Variants in OR1D2 observed in about 807,000 individuals in gnomAD.
OR1D2 encodes olfactory receptor 1D2.
For synonymous variants in OR1D2, 157 were observed against 153.9 expected, an observed-to-expected ratio of 1.02 and a Z score of -0.15; for missense variants, 357 against 376.1, an observed-to-expected ratio of 0.95 and a Z score of 0.42.
At chr17:3,093,760 T>C (rs932916493) in intron 1 of OR1D2, among the ~76,000 whole-genome samples, 5 of 152,204 alleles carry the variant, frequency 3.3e-5, no homozygotes, top group Non-Finnish European at 7.3e-5. Context: ...GGCACTCAGA[T>C]GTTAACAAGA....
intron 1 of OR1D2, among the ~76,000 whole-genome samples, chr17:3,103,598 G>A (rs549910035): frequency 1.3e-5 from 2 of 152,300 alleles, no homozygotes; most frequent in East Asian, 3.9e-4. Context: ...TAGTTCTGAT[G>A]CTATACTTTG....
rs2047793499 is a variant in OR1D2 at position 3,089,492 on chromosome 17, C to T, written c.*2566G>A. 6.6e-6 allele frequency: 1 copy of T among 152,270 alleles called. No homozygotes were observed. Among genetic ancestry groups the T allele is most frequent in the African/African-American group, 2.4e-5 (1 of 41,418 alleles). The allele number at this position is 152,270 out of a possible 1,614,324, so 9.4% of individuals were successfully genotyped here. ...GTTGGCCTCCAGCCAAGAGGTGGTC[C>T]TTTCAAGAGTGCACCAGCTGTGGTA... On this transcript the variant is annotated 3_prime_UTR_variant, in exon 2 of 2. Coordinates refer to ENST00000641833, the MANE Select transcript of OR1D2 (RefSeq NM_002548.3).
At chr17:3,100,067 T>G (rs1037138309) in intron 1 of OR1D2, among the ~76,000 whole-genome samples, 6 of 152,138 alleles carry the variant, frequency 3.9e-5, no homozygotes, top group African/African-American at 1.4e-4. Flanking sequence ...ATAGACTTTA[T>G]GTGTCTATGC....
Position 3,092,024 on chromosome 17 carries a change from G to A in OR1D2, c.*34C>T, listed in dbSNP as rs191533597. 244 of 1,484,152 alleles carry A rather than the reference G, an allele frequency of 1.6e-4. 1 individual carries two copies. The East Asian group carries it at 4.6e-3, about 28-fold the overall frequency. 91.9% of individuals were successfully genotyped at this position (1,484,152 alleles called of 1,614,324 possible). The stretch of plus-strand genomic sequence containing the variant: ...TTACATAGGGTGAAGGATATTCCTA[G>A]TCTCCACTTTAATGCTGTCTTTCCA... On this transcript the variant is annotated 3_prime_UTR_variant, in exon 2 of 2. Coordinates refer to ENST00000641833, the MANE Select transcript of OR1D2 (RefSeq NM_002548.3).
chr17:3,090,001 C>CT lies in OR1D2; in HGVS notation c.*2056dup, dbSNP rs11428015. The CT allele has an allele frequency of 1, 152,393 of 152,394 alleles. 76,196 individuals are homozygous for CT. Among genetic ancestry groups the CT allele is most frequent in the Middle Eastern group, 1 (294 of 294 alleles). The allele number at this position is 152,394 out of a possible 1,614,324, so 9.4% of individuals were successfully genotyped here. A position where few individuals can be genotyped will look rare whatever the true frequency, so the allele number is the denominator to read the frequency against. ...GAAAGCAAGCAGCACTTTCAGGTTT[C>CT]TGTTTTCCTGCCTGTGGTGGCTGCT... On this transcript the variant is annotated 3_prime_UTR_variant, in exon 2 of 2. Transcript: ENST00000641833.
rs578013219 is a variant in OR1D2, at chr17:3,089,872, A to G, written c.*2186T>C. 23 of 152,372 alleles carry G rather than the reference A, an allele frequency of 1.5e-4. No individual in the cohort carries two copies. Among genetic ancestry groups the G allele is most frequent in the Admixed American group, 9.8e-4 (15 of 15,274 alleles). The allele number at this position is 152,372 out of a possible 1,614,324, so 9.4% of individuals were successfully genotyped here. A position where few individuals can be genotyped will look rare whatever the true frequency, so the allele number is the denominator to read the frequency against. On this transcript the variant is annotated 3_prime_UTR_variant, in exon 2 of 2. Coordinates refer to ENST00000641833, the MANE Select transcript of OR1D2 (RefSeq NM_002548.3). The stretch of plus-strand genomic sequence containing the variant: ...CAGCTCCCATGCTGTCCAAGTGGCC[A>G]TGTCACTCCCAATGTGCCCTACCCC...
chr17:3,095,631 A>G (rs975380237), intron 1 of OR1D2, among the ~76,000 whole-genome samples: 2 of 151,320 alleles, frequency 1.3e-5, no homozygotes, highest in African/African-American at 4.9e-5. Flanking sequence ...TAAATATGTA[A>G]ATATATATTG....
In OR1D2 at chr17:3,089,929, G is replaced by T. The variant is rs1426857402; in HGVS notation, c.*2129C>A. 6.6e-6 allele frequency: 1 copy of T among 152,310 alleles called. No homozygotes were observed. The highest frequency in any genetic ancestry group is 1.5e-5 in the Non-Finnish European group (1 of 68,122). The allele number at this position is 152,310 out of a possible 1,614,324, so 9.4% of individuals were successfully genotyped here. A position where few individuals can be genotyped will look rare whatever the true frequency, so the allele number is the denominator to read the frequency against. On this transcript the variant is annotated 3_prime_UTR_variant, in exon 2 of 2. Transcript: ENST00000641833. ...TGCTGAGTTTATTTCCGGGTAGCTG[G>T]TGAGCAGGGCTGAAAACTTGTTCCA... is the stretch of plus-strand genomic sequence containing the variant.
chr17:3,098,131 G>GTTTCCCC (rs1251795491), intron 1 of OR1D2, among the ~76,000 whole-genome samples: 2 of 152,184 alleles, frequency 1.3e-5, no homozygotes, highest in Non-Finnish European at 2.9e-5. Context: ...AGATGAGTGG[G>GTTTCCCC]TTTCCCCTAG....
At position 3,092,541 on chromosome 17, in the gene OR1D2, G is replaced by T. The variant is rs371600003; in HGVS notation, c.456C>A (p.Ser152=). ...ILLLSLCWVL[S]VLYGLIHTLL... ...GGGTGTGTATGAGGCCATAGAGGAC[G>T]GATAGGACCCAACACAAGGAAAGGA... The change falls in exon 2 of 2, where the codon TCC becomes TCA. Residue 152 remains serine (S), a synonymous_variant. Transcript: ENST00000641833. The T allele has an allele frequency of 2.5e-6, 4 of 1,614,086 alleles. No individual in the cohort carries two copies. The highest frequency in any genetic ancestry group is 8.5e-7 in the Non-Finnish European group (1 of 1,180,014).
chr17:3,095,159 C>T (rs973074434), intron 1 of OR1D2, among the ~76,000 whole-genome samples: 8 of 151,856 alleles, frequency 5.3e-5, no homozygotes, highest in African/African-American at 4.8e-5. Flanking sequence ...ATAGGAAACT[C>T]GACAAACTTT....
chr17:3,100,757 A>C (rs1234232621), intron 1 of OR1D2, among the ~76,000 whole-genome samples: 1 of 152,194 alleles, frequency 6.6e-6, no homozygotes, highest in East Asian at 1.9e-4. Flanking sequence ...AAAAATTAAC[A>C]AAATGGATAG....
intron 1 of OR1D2, among the ~76,000 whole-genome samples, chr17:3,096,912 T>A (rs2047848440): frequency 6.6e-6 from 1 of 152,204 alleles, no homozygotes; most frequent in African/African-American, 2.4e-5. Flanking sequence ...AAGAAGAAAG[T>A]TATTTTCAAG....
In OR1D2 at chr17:3,092,633, G is replaced by A. The variant is rs73300984; in HGVS notation, c.364C>T (p.Arg122Cys). ...AGGGGGCAGCAGATGGCCACATAGC[G>A]GTCATATGCCATCACAGCCAGGATG... Reference protein sequence around the residue: ...NLILAVMAYDRYVAICCPLHY... With the variant: ...NLILAVMAYDCYVAICCPLHY... The change falls in exon 2 of 2, where the codon CGC becomes TGC. Residue 122 changes from arginine to cysteine, a missense_variant. By Grantham distance (180) the Arg-to-Cys change is radical. Coordinates refer to ENST00000641833, the MANE Select transcript of OR1D2 (RefSeq NM_002548.3). 4.8e-4 allele frequency: 771 copies of A among 1,613,944 alleles called. 5 individuals carry two copies. The African/African-American group carries it at 8.1e-3, about 17-fold the overall frequency.
At chr17:3,100,192 A>C (rs1214341833) in intron 1 of OR1D2, among the ~76,000 whole-genome samples, 1 of 152,232 alleles carries the variant, frequency 6.6e-6, no homozygotes, top group Non-Finnish European at 1.5e-5. Context: ...GAGCTAATAG[A>C]CATCTACAGA....
chr17:3,100,948 T>A (rs1024389949), intron 1 of OR1D2, among the ~76,000 whole-genome samples: 5 of 152,098 alleles, frequency 3.3e-5, no homozygotes, highest in African/African-American at 1.2e-4. Flanking sequence ...CCTGGACATA[T>A]ACACCCTCCC....
chr17:3,098,839 C>A (rs1437463824), intron 1 of OR1D2, among the ~76,000 whole-genome samples: 1 of 152,120 alleles, frequency 6.6e-6, no homozygotes, highest in Non-Finnish European at 1.5e-5. Flanking sequence ...ACATAAATGA[C>A]CTGATGGAGC....
At chr17:3,095,227 A>G (rs562797115) in intron 1 of OR1D2, among the ~76,000 whole-genome samples, 1 of 152,250 alleles carries the variant, frequency 6.6e-6, no homozygotes, top group East Asian at 1.9e-4. Context: ...AAAGGCTGAA[A>G]GGCAGAGACA....
chr17:3,101,695 A>G (rs1484002627), intron 1 of OR1D2, among the ~76,000 whole-genome samples: 1 of 152,222 alleles, frequency 6.6e-6, no homozygotes, highest in Non-Finnish European at 1.5e-5. Flanking sequence ...GAAAGAAATT[A>G]AGGGGATTCA....
Sources: gnomAD v4.1 joint callset for allele counts (sites outside exome capture counted in the v4.1 genomes callset) on GRCh38, gnomAD v4.1.1 for gene constraint, MANE v1.5 for transcripts, NCBI Gene and HGNC (gene_info 2026-07-23, HGNC 2026-07-21) for gene names.